NDUFA1: variants seen among roughly 807,000 people sequenced by gnomAD.
NDUFA1 encodes NADH:ubiquinone oxidoreductase subunit A1.
For missense variants in NDUFA1, 42 were observed against 56.0 expected, an observed-to-expected ratio of 0.75 and a Z score of 0.80; for synonymous variants, 21 against 20.0, an observed-to-expected ratio of 1.05 and a Z score of -0.14.
intron 2 of NDUFA1, among the ~76,000 whole-genome samples, chrX:119,875,497 A>G (rs777617739): frequency 2.2e-4 from 24 of 109,242 alleles, no homozygotes; most frequent in African/African-American, 7.0e-4. Context: ...CTTTTAGTAG[A>G]GACAGGGTTT....
chrX:119,873,057 TTTTA>T (rs1292122739), intron 1 of NDUFA1, among the ~76,000 whole-genome samples: 1 of 104,130 alleles, frequency 9.6e-6, no homozygotes, highest in East Asian at 2.9e-4. Context: ...TTTTTTTTTT[TTTTA>T]AAAAAAAAGG....
chrX:119,873,312 G>A lies in NDUFA1; in HGVS notation c.111G>A (p.Arg37=), dbSNP rs104894885. 1 of 1,207,629 alleles carries A rather than the reference G, an allele frequency of 8.3e-7. No homozygotes were observed. The highest frequency in any genetic ancestry group is 1.8e-5 in the South Asian group (1 of 56,900). Residue 37 remains arginine, a synonymous_variant, in exon 2 of 3, where the codon AGG becomes AGA. Coordinates refer to ENST00000371437, the MANE Select transcript of NDUFA1 (RefSeq NM_004541.4). ...HRFTNGGKEK[R]VAHFGYHWSL... ...TTGTCTCTTATTTGAAGGAAAAAAG[G>A]GTTGCTCATTTTGGGTATCACTGGA...
chrX:119,874,170 A>T (rs893546500), intron 2 of NDUFA1, among the ~76,000 whole-genome samples: 6 of 108,588 alleles, frequency 5.5e-5, no homozygotes, highest in Non-Finnish European at 1.1e-4. Context: ...AGTCCTAGCT[A>T]CTCAGAAGGC....
rs764422052 is a variant in NDUFA1 at position 119,871,985 on chromosome X, A to G, written c.74A>G (p.Tyr25Cys). 1 of 1,212,235 alleles carries G rather than the reference A, an allele frequency of 8.2e-7. No individual in the cohort carries two copies. The highest frequency in any genetic ancestry group is 2.2e-5 in the Admixed American group (1 of 46,156). The change falls in exon 1 of 3, where the codon TAC (tyrosine) becomes TGC (cysteine). Residue 25 changes from tyrosine to cysteine, a missense_variant. Physicochemically the swap from Tyr to Cys is radical, Grantham distance 194 (BLOSUM62 -2). Coordinates refer to ENST00000371437, the MANE Select transcript of NDUFA1 (RefSeq NM_004541.4). ...TTGATTCCAGGACTGGCTACTGCGT[A>G]CATCCACAGGTTCACTAACGGGGGC... ...CLLIPGLATA[Y>C]IHRFTNGGKE...
At chrX:119,872,105 C>A in intron 1 of NDUFA1, 92 bp downstream of exon 1, 1 of 907,510 alleles carries the variant, frequency 1.1e-6, no homozygotes, top group Non-Finnish European at 1.6e-6. Flanking sequence ...AACCCTCTCT[C>A]CGAGGTCGGC....
At position 119,875,317 on chromosome X, in the gene NDUFA1, C is replaced by CTTTTTTTTTTTTTT. The variant is rs61235666; in HGVS notation, c.193-1185_193-1172dup. Among the ~76,000 whole-genome samples, 28 of 59,637 alleles carry CTTTTTTTTTTTTTT rather than the reference C, an allele frequency of 4.7e-4. 3 individuals carry two copies. Among genetic ancestry groups the CTTTTTTTTTTTTTT allele is most frequent in the African/African-American group, 2.1e-3 (28 of 13,515 alleles). The allele number at this position is 59,637 out of a possible 115,157, so 51.8% of individuals were successfully genotyped here. On this transcript the variant is annotated intron_variant, in intron 2 of 2. Coordinates refer to ENST00000371437, the MANE Select transcript of NDUFA1 (RefSeq NM_004541.4). ...AGAAGAAGTGTCATCACTGATGAGTCTTTTTTTTTTTTTTTTTTTTTTTTT... is the reference window on the plus strand; with the variant it reads ...AGAAGAAGTGTCATCACTGATGAGTCTTTTTTTTTTTTTTTTTTTTTTTTTTTTTTTTTTTTTTT...
chrX:119,873,178 C>T (rs1195650773), intron 1 of NDUFA1, 126 bp from the exon 2 acceptor site: 1 of 532,628 alleles, frequency 1.9e-6, no homozygotes, highest in East Asian at 3.7e-5. Context: ...CTTTGTACTA[C>T]TAATTTGCAT....
intron 2 of NDUFA1, among the ~76,000 whole-genome samples, chrX:119,874,300 AC>A (rs1160891907): frequency 1.3e-4 from 14 of 106,955 alleles, no homozygotes; most frequent in African/African-American, 4.4e-4. Flanking sequence ...AAAAAAAAAA[AC>A]CACCAAGCAC....
chrX:119,872,670 C>G (rs948921728), intron 1 of NDUFA1, among the ~76,000 whole-genome samples: 2 of 105,016 alleles, frequency 1.9e-5, no homozygotes, highest in Admixed American at 1.0e-4. Context: ...CCCGAGTAGC[C>G]GGGACCACGC....
chrX:119,875,140 G>C (rs915050913), intron 2 of NDUFA1, among the ~76,000 whole-genome samples: 2 of 110,265 alleles, frequency 1.8e-5, no homozygotes, highest in East Asian at 5.7e-4. Context: ...CTCAAAGTAT[G>C]GTCCAAGAAT....
intron 2 of NDUFA1, 127 bp from the exon 3 acceptor site, chrX:119,876,387 G>A: frequency 1.6e-6 from 1 of 638,339 alleles, no homozygotes; most frequent in Admixed American, 2.3e-5. Flanking sequence ...TGCAGTTAGA[G>A]AAATGTGGGA....
At chrX:119,872,319 G>T in intron 1 of NDUFA1, among the ~76,000 whole-genome samples, 1 of 111,430 alleles carries the variant, frequency 9.0e-6, no homozygotes. Context: ...CGCCTTCTGG[G>T]TTCAAGAGAT....
chrX:119,875,947 G>A (rs2056435497), intron 2 of NDUFA1, among the ~76,000 whole-genome samples: 1 of 111,471 alleles, frequency 9.0e-6, no homozygotes, highest in African/African-American at 3.3e-5. Flanking sequence ...GCTCACACCT[G>A]TAATCCTAGC....
At chrX:119,875,137 T>C (rs777583523) in intron 2 of NDUFA1, among the ~76,000 whole-genome samples, 2 of 110,655 alleles carry the variant, frequency 1.8e-5, no homozygotes, top group African/African-American at 3.3e-5. Flanking sequence ...TTTCTCAAAG[T>C]ATGGTCCAAG....
At chrX:119,874,361 T>C (rs1021108782) in intron 2 of NDUFA1, among the ~76,000 whole-genome samples, 1 of 109,918 alleles carries the variant, frequency 9.1e-6, no homozygotes, top group African/African-American at 3.3e-5. Context: ...AATTTCCATG[T>C]ACACATGGGC....
At chrX:119,874,660 G>A (rs1332342479) in intron 2 of NDUFA1, among the ~76,000 whole-genome samples, 1 of 111,142 alleles carries the variant, frequency 9.0e-6, no homozygotes, top group Non-Finnish European at 1.9e-5. Context: ...GGGTTCAAGC[G>A]ATTCTTGTGC....
intron 2 of NDUFA1, among the ~76,000 whole-genome samples, chrX:119,875,770 T>A (rs1279720996): frequency 1.8e-5 from 2 of 111,517 alleles, no homozygotes; most frequent in Admixed American, 1.9e-4. Flanking sequence ...AGCAGGTGAC[T>A]TTTAACCTCT....
Position 119,876,655 on chromosome X carries a change from G to T in NDUFA1, c.*121G>T. 1 of 650,858 alleles carries T rather than the reference G, an allele frequency of 1.5e-6. No homozygotes were observed. Among genetic ancestry groups the T allele is most frequent in the East Asian group, 3.4e-5 (1 of 29,723 alleles). 53.6% of individuals were successfully genotyped at this position (650,858 alleles called of 1,213,427 possible). On this transcript the variant is annotated 3_prime_UTR_variant, in exon 3 of 3. Transcript: ENST00000371437. The stretch of plus-strand genomic sequence containing the variant: ...ATGTAGTGCTTAATAAAAATAAAAT[G>T]AAAAAAATGCATTTCTTTTTTTTAA...
intron 1 of NDUFA1, among the ~76,000 whole-genome samples, chrX:119,872,310 G>A (rs1026774653): frequency 9.0e-6 from 1 of 111,462 alleles, no homozygotes; most frequent in African/African-American, 3.3e-5. Flanking sequence ...TGCAACCTCC[G>A]CCTTCTGGGT....
Sources: gnomAD v4.1 joint callset for allele counts (sites outside exome capture counted in the v4.1 genomes callset) on GRCh38, gnomAD v4.1.1 for gene constraint, MANE v1.5 for transcripts, NCBI Gene and HGNC (gene_info 2026-07-23, HGNC 2026-07-21) for gene names.